The following AGBL4 variants were observed in gnomAD, a reference collection of about 807,000 sequenced individuals.
AGBL4 encodes the protein cytosolic carboxypeptidase 6.
In AGBL4, 58 loss-of-function variants were observed where a neutral mutation model predicts 66.4. The observed-to-expected ratio is 0.87, with a 90% confidence interval of 0.71 to 1.09. The LOEUF (loss-of-function observed/expected upper bound fraction) is 1.09. Among genes scored for constraint, AGBL4 ranks in the 50% least tolerant of loss-of-function variants. AGBL4 has a pLI of 0.00. For synonymous variants in AGBL4, 234 were observed against 222.9 expected (o/e 1.05, Z -0.44); for missense variants, 579 against 631.0 (o/e 0.92, Z 0.88).
At chr1:48,693,475 C>A (rs1026099524) in intron 6 of AGBL4, among the ~76,000 whole-genome samples, 1 of 152,168 alleles carries the variant, frequency 6.6e-6, no homozygotes, top group Non-Finnish European at 1.5e-5. Flanking sequence ...TCCGCGCTGA[C>A]CTGTCGGCTG....
intron 2 of AGBL4, among the ~76,000 whole-genome samples, chr1:49,731,816 C>A (rs1045837291): frequency 2.6e-5 from 4 of 151,936 alleles, no homozygotes; most frequent in African/African-American, 9.7e-5. Context: ...AAATTCTCCC[C>A]CAAAAAGCAA....
chr1:49,027,248 C>T (rs1006341330), intron 5 of AGBL4, among the ~76,000 whole-genome samples: 1 of 152,066 alleles, frequency 6.6e-6, no homozygotes, highest in African/African-American at 2.4e-5. Flanking sequence ...ACAACCTCCG[C>T]CTCCCAGGTT....
intron 3 of AGBL4, among the ~76,000 whole-genome samples, chr1:49,648,629 C>T (rs1031568293): frequency 6.6e-6 from 1 of 151,770 alleles, no homozygotes; most frequent in Non-Finnish European, 1.5e-5. Flanking sequence ...GGAAATAACA[C>T]CTTATCTAGG....
intron 4 of AGBL4, among the ~76,000 whole-genome samples, chr1:49,233,640 A>C (rs1056790354): frequency 1.3e-5 from 2 of 152,236 alleles, no homozygotes; most frequent in African/African-American, 4.8e-5. Context: ...TAATTTAGGC[A>C]GAGTAAGCTA....
At chr1:48,999,753 A>T (rs537869519) in intron 5 of AGBL4, among the ~76,000 whole-genome samples, 3 of 152,096 alleles carry the variant, frequency 2.0e-5, no homozygotes, top group African/African-American at 7.2e-5. Context: ...AAAACCAAAT[A>T]TGATTAAGAC....
intron 3 of AGBL4, among the ~76,000 whole-genome samples, chr1:49,419,192 T>C (rs962776054): frequency 2.0e-5 from 3 of 152,192 alleles, no homozygotes; most frequent in South Asian, 2.1e-4. Context: ...CCCAGATAAA[T>C]AGTGTATTGG....
chr1:49,277,821 G>A (rs752948233), intron 3 of AGBL4, among the ~76,000 whole-genome samples: 1 of 151,642 alleles, frequency 6.6e-6, no homozygotes, highest in African/African-American at 2.4e-5. Context: ...CCCAAAGATA[G>A]GCATTTTCCC....
At chr1:49,707,367 C>CTTTTTTTTTTTTTTTT (rs34368394) in intron 2 of AGBL4, among the ~76,000 whole-genome samples, 7 of 76,220 alleles carry the variant, frequency 9.2e-5, no homozygotes, top group Admixed American at 3.3e-4. Context: ...GCAACCCCTG[C>CTTTTTTTTTTTTTTTT]TTTTTTTTTT....
intron 4 of AGBL4, among the ~76,000 whole-genome samples, chr1:49,095,205 A>C (rs996966488): frequency 1.3e-5 from 2 of 152,240 alleles, no homozygotes; most frequent in African/African-American, 4.8e-5. Flanking sequence ...AAATGGAAGA[A>C]CATTCCATGC....
At chr1:49,906,099 TAAAGAG>T (rs1037107449) in intron 1 of AGBL4, among the ~76,000 whole-genome samples, 3 of 145,918 alleles carry the variant, frequency 2.1e-5, no homozygotes, top group African/African-American at 5.2e-5. Flanking sequence ...CATTTTAAGA[TAAAGAG>T]AAACAGGACT....
chr1:48,872,405 A>AC (rs1260704761), intron 5 of AGBL4, among the ~76,000 whole-genome samples: 6 of 152,182 alleles, frequency 3.9e-5, no homozygotes, highest in Admixed American at 1.3e-4. Flanking sequence ...TTGATCTTAC[A>AC]ACTGTGATTT....
At chr1:48,790,298 A>G (rs1645517293) in intron 6 of AGBL4, among the ~76,000 whole-genome samples, 1 of 152,196 alleles carries the variant, frequency 6.6e-6, no homozygotes, top group Non-Finnish European at 1.5e-5. Context: ...GTTGCCACTG[A>G]GAAAACTTGT....
chr1:48,598,125 C>T (rs568681229), intron 9 of AGBL4, among the ~76,000 whole-genome samples: 8 of 152,198 alleles, frequency 5.3e-5, no homozygotes, highest in Admixed American at 2.0e-4. Flanking sequence ...CCAGATCACA[C>T]AGGGCCTTGA....
At chr1:49,683,055 T>C (rs985517452) in intron 3 of AGBL4, among the ~76,000 whole-genome samples, 7 of 152,196 alleles carry the variant, frequency 4.6e-5, no homozygotes, top group Admixed American at 1.3e-4. Context: ...TATCACAGAC[T>C]GGCCATCGTC....
chr1:49,006,528 G>A (rs1229341803), intron 5 of AGBL4, among the ~76,000 whole-genome samples: 1 of 152,228 alleles, frequency 6.6e-6, no homozygotes, highest in Non-Finnish European at 1.5e-5. Context: ...GCCCACCACA[G>A]CTCAAGGAGG....
intron 3 of AGBL4, among the ~76,000 whole-genome samples, chr1:49,286,891 G>T (rs1176619989): frequency 1.3e-5 from 2 of 152,078 alleles, no homozygotes; most frequent in Non-Finnish European, 2.9e-5. Context: ...CCAAAAAAGA[G>T]CCCGCATCGC....
chr1:49,697,915 T>C (rs1016449709), intron 2 of AGBL4, among the ~76,000 whole-genome samples: 1 of 152,200 alleles, frequency 6.6e-6, no homozygotes, highest in Non-Finnish European at 1.5e-5. Flanking sequence ...CCTAAACTTC[T>C]ATCAGAATAT....
intron 3 of AGBL4, among the ~76,000 whole-genome samples, chr1:49,494,115 A>G (rs1485029973): frequency 1.3e-5 from 2 of 151,828 alleles, no homozygotes; most frequent in East Asian, 3.9e-4. Flanking sequence ...AAGGGAGTTA[A>G]TTTTCTCATA....
At chr1:49,134,240 C>T (rs569397232) in intron 4 of AGBL4, among the ~76,000 whole-genome samples, 8 of 152,212 alleles carry the variant, frequency 5.3e-5, no homozygotes, top group South Asian at 2.1e-4. Flanking sequence ...GGCGAGACCA[C>T]GAGGTCAGGG....
Sources: gnomAD v4.1 joint callset for allele counts (sites outside exome capture counted in the v4.1 genomes callset) on GRCh38, gnomAD v4.1.1 for gene constraint, MANE v1.5 for transcripts, NCBI Gene and HGNC (gene_info 2026-07-23, HGNC 2026-07-21) for gene names.